The following TNPO3 variants were observed in gnomAD, a reference collection of about 807,000 sequenced individuals.
The protein encoded by TNPO3 is transportin 3, also known as transportin-3.
In TNPO3, 65 loss-of-function variants were observed where a neutral mutation model predicts 122.8. That is an observed-to-expected ratio of 0.53 (90% CI 0.43 to 0.65). The LOEUF is 0.65. TNPO3 is among the 30% of genes least tolerant of loss of function. The probability of loss-of-function intolerance (pLI) is 0.00; values close to 1 mark genes in which losing one functional copy is unlikely to be tolerated. For missense variants in TNPO3, 850 were observed against 1,136.7 expected, an observed-to-expected ratio of 0.75 and a Z score of 3.63; for synonymous variants, 372 against 411.2, an observed-to-expected ratio of 0.90 and a Z score of 1.15.
intron 1 of TNPO3, among the ~76,000 whole-genome samples, chr7:129,044,845 C>G (rs1807829809): frequency 6.6e-6 from 1 of 152,270 alleles, no homozygotes; most frequent in Admixed American, 6.5e-5. Context: ...TACAGCAATT[C>G]TAATTCTAGG....
intron 7 of TNPO3, among the ~76,000 whole-genome samples, chr7:128,998,004 A>ATTT (rs71162546): frequency 7.7e-6 from 1 of 129,420 alleles, no homozygotes; most frequent in African/African-American, 2.9e-5. Context: ...AGCTCAGCTA[A>ATTT]TTTTTTTTTT....
intron 18 of TNPO3, 25 bp downstream of exon 18, chr7:128,974,843 A>T: frequency 6.3e-7 from 1 of 1,587,932 alleles, no homozygotes; most frequent in Non-Finnish European, 8.6e-7. Flanking sequence ...AGCAATTAAG[A>T]AATGGGCTCT....
chr7:129,054,585 C>T (rs1809250490), intron 1 of TNPO3, 66 bp downstream of exon 1: 2 of 1,598,458 alleles, frequency 1.3e-6, no homozygotes, highest in Non-Finnish European at 1.7e-6. Flanking sequence ...TCAGGTTCTC[C>T]CCCGGAGCCT....
intron 4 of TNPO3, among the ~76,000 whole-genome samples, 167 bp downstream of exon 4, chr7:129,014,812 G>C (rs925412101): frequency 2.6e-5 from 4 of 152,176 alleles, no homozygotes; most frequent in Non-Finnish European, 5.9e-5. Context: ...AACTTAAAAA[G>C]CATAGTTTCT....
chr7:128,996,221 T>C (rs1204610679), intron 8 of TNPO3, among the ~76,000 whole-genome samples: 1 of 152,216 alleles, frequency 6.6e-6, no homozygotes, highest in East Asian at 1.9e-4. Context: ...GAAATCGATG[T>C]GGCAAAATTT....
intron 1 of TNPO3, among the ~76,000 whole-genome samples, chr7:129,037,878 A>G (rs372360835): frequency 2.9e-4 from 44 of 151,710 alleles, no homozygotes; most frequent in African/African-American, 8.0e-4. Flanking sequence ...GAGAGAAGGG[A>G]AAAAAAAACT....
intron 1 of TNPO3, among the ~76,000 whole-genome samples, chr7:129,042,646 C>T (rs1300327020): frequency 6.6e-6 from 1 of 151,988 alleles, no homozygotes; most frequent in Non-Finnish European, 1.5e-5. Context: ...CAACAAATTA[C>T]TTCTTGATAA....
rs1274394274 is a variant in TNPO3, at chr7:128,999,968, A to T, written c.1011+461T>A. Reference sequence around the variant, plus strand: ...AAACTTCTCAAATAAATGAGATTTTAAAAAATCTAGCAAACCTCGGTAAGT... The same window carrying T: ...AAACTTCTCAAATAAATGAGATTTTTAAAAATCTAGCAAACCTCGGTAAGT... On this transcript the variant is annotated intron_variant, in intron 7 of 22. Coordinates refer to ENST00000265388, the MANE Select transcript of TNPO3 (RefSeq NM_012470.4). 5.9e-5 allele frequency among the ~76,000 whole-genome samples: 9 copies of T among 152,196 alleles called. No homozygotes were observed. In the East Asian group the frequency reaches 7.7e-4, roughly 13 times the overall value.
At chr7:128,997,567 T>G in intron 7 of TNPO3, 32 bp from the exon 8 acceptor site, 1 of 1,581,766 alleles carries the variant, frequency 6.3e-7, no homozygotes, top group Non-Finnish European at 8.7e-7. Flanking sequence ...TTTATTTGAA[T>G]GGGAAAGGAA....
chr7:129,016,771 A>G (rs1042311976), intron 3 of TNPO3, among the ~76,000 whole-genome samples: 1 of 152,274 alleles, frequency 6.6e-6, no homozygotes, highest in Non-Finnish European at 1.5e-5. Context: ...TGTGTGTTAC[A>G]TAAATCACTA....
At chr7:129,018,734 T>C (rs977240932) in intron 1 of TNPO3, among the ~76,000 whole-genome samples, 1 of 152,184 alleles carries the variant, frequency 6.6e-6, no homozygotes, top group Non-Finnish European at 1.5e-5. Context: ...CTTTCTTTTT[T>C]TGGAGACAGA....
rs987962526 is a variant in TNPO3 at position 129,054,935 on chromosome 7, T to C, written c.-165A>G. On this transcript the variant is annotated 5_prime_UTR_variant, in exon 1 of 23. Coordinates refer to ENST00000265388, the MANE Select transcript of TNPO3 (RefSeq NM_012470.4). The stretch of plus-strand genomic sequence containing the variant: ...CAGGGCAGAAGGCTCTCCGTGGAAG[T>C]TGCCCCCTCGGAAACAGCTATTAGG... 9.5e-5 allele frequency: 83 copies of C among 876,094 alleles called. No homozygotes were observed. Among genetic ancestry groups the C allele is most frequent in the South Asian group, 2.6e-4 (15 of 58,018 alleles). The allele number at this position is 876,094 out of a possible 1,614,324, so 54.3% of individuals were successfully genotyped here. A position where few individuals can be genotyped will look rare whatever the true frequency, so the allele number is the denominator to read the frequency against.
chr7:129,005,057 T>G lies in TNPO3; in HGVS notation c.655A>C (p.Met219Leu). 3.1e-6 allele frequency: 5 copies of G among 1,613,920 alleles called. No homozygotes were observed. The highest frequency in any genetic ancestry group is 3.4e-6 in the Non-Finnish European group (4 of 1,179,866). Residue 219 changes from methionine to leucine, a missense_variant, in exon 5 of 23, where the codon ATG (methionine) becomes CTG (leucine). By Grantham distance (15) the Met-to-Leu change is conservative. Transcript: ENST00000265388. ...FNLGVLDSNFMANNKLLALLF... is the reference protein window; with the variant it reads ...FNLGVLDSNFLANNKLLALLF... ...AGTGCTAGTAATTTATTGTTAGCCA[T>G]GAAGTTACTGTCCAAAACTCCCAAG...
At position 129,014,960 on chromosome 7, in the gene TNPO3, G is replaced by T. The variant is rs752218522; in HGVS notation, c.552+19C>A. 1 of 1,550,230 alleles carries T rather than the reference G, an allele frequency of 6.5e-7. No homozygotes were observed. The highest frequency in any genetic ancestry group is 1.4e-5 in the African/African-American group (1 of 71,218). ...CTTTCTGCCTTTATGCAGCAACTTA[G>T]TATTTCAAACTTACTCACCAATAGA... On this transcript the variant is annotated intron_variant, in intron 4 of 22. Transcript: ENST00000265388.
chr7:128,970,113 A>G, intron 20 of TNPO3, 35 bp downstream of exon 20: 2 of 1,612,876 alleles, frequency 1.2e-6, no homozygotes, highest in South Asian at 2.2e-5. Flanking sequence ...ACATTTAGGG[A>G]CTATGAGATA....
chr7:129,006,877 A>G (rs1802635594), intron 4 of TNPO3, among the ~76,000 whole-genome samples: 1 of 152,346 alleles, frequency 6.6e-6, no homozygotes, highest in African/African-American at 2.4e-5. Context: ...AAGGCTATTT[A>G]AGATATTCGG....
At position 128,970,156 on chromosome 7, in the gene TNPO3, C is replaced by T. The variant is rs1585324543; in HGVS notation, c.2590G>A (p.Asp864Asn). 1 of 1,614,126 alleles carries T rather than the reference C, an allele frequency of 6.2e-7. No individual in the cohort carries two copies. ...CATGAAAACAATCTTACCGGTCTGTCAACCTGCATGATCTCCCAGAGCACT... is the reference window on the plus strand; with the variant it reads ...CATGAAAACAATCTTACCGGTCTGTTAACCTGCATGATCTCCCAGAGCACT... ...AEVLWEIMQV[D>N]RPTFCRWLEN... Residue 864 changes from aspartate to asparagine, a missense_variant, in exon 20 of 23, where the codon GAC becomes AAC. By Grantham distance (23) the Asp-to-Asn change is conservative (BLOSUM62 1). Coordinates refer to ENST00000265388, the MANE Select transcript of TNPO3 (RefSeq NM_012470.4).
intron 1 of TNPO3, among the ~76,000 whole-genome samples, chr7:129,021,777 T>C (rs1804547562): frequency 6.6e-6 from 1 of 151,742 alleles, no homozygotes; most frequent in Non-Finnish European, 1.5e-5. Flanking sequence ...TGATACAAGA[T>C]ACGGAAGAAT....
chr7:129,048,245 T>C (rs917308116), intron 1 of TNPO3, among the ~76,000 whole-genome samples: 2 of 151,512 alleles, frequency 1.3e-5, no homozygotes, highest in East Asian at 1.9e-4. Flanking sequence ...ACTAAATAAA[T>C]AGACCAGGTG....
Sources: allele counts gnomAD v4.1 joint callset (sites outside exome capture counted in the v4.1 genomes callset), GRCh38; gene constraint gnomAD v4.1.1; transcripts MANE v1.5; gene names NCBI Gene and HGNC (gene_info 2026-07-23, HGNC 2026-07-21).